The following URM1 variants were observed in gnomAD, a reference collection of about 807,000 sequenced individuals.
URM1 encodes ubiquitin related modifier 1.
Under a neutral mutation model 17.7 loss-of-function variants are expected in URM1, and 11 were observed. The observed-to-expected ratio is 0.62, with a 90% CI of 0.39 to 1.03. URM1 has a LOEUF of 1.03. URM1 is among the 50% of genes least tolerant of loss of function. URM1 has a pLI of 0.00. For synonymous variants in URM1, 48 were observed against 50.6 expected, an observed-to-expected ratio of 0.95 and a Z score of 0.22; for missense variants, 128 against 129.2, an observed-to-expected ratio of 0.99 and a Z score of 0.04.
At chr9:128,385,826 G>A (rs113630620) in intron 2 of URM1, among the ~76,000 whole-genome samples, 13,890 of 151,830 alleles carry the variant, frequency 0.091, 722 homozygotes, top group Middle Eastern at 0.17. Context: ...GTGGCGATGC[G>A]GTAGCCTCAC....
At position 128,376,165 on chromosome 9, in the gene URM1, GCCT is replaced by G. The variant is rs1420298393; in HGVS notation, c.36-1870_36-1868del. Among the ~76,000 whole-genome samples the G allele has an allele frequency of 2.0e-5, 3 of 151,910 alleles. 1 individual carries two copies. In the East Asian group the frequency reaches 5.8e-4, roughly 29 times the overall value. On this transcript the variant is annotated intron_variant, in intron 1 of 4. Transcript: ENST00000372853. ...GCTTGAGCCCAGGAGGTCAAGACCAGCCTGGACGACATAGGGAGACCCTGTCTC... is the reference window on the plus strand; with the variant it reads ...GCTTGAGCCCAGGAGGTCAAGACCAGGGACGACATAGGGAGACCCTGTCTC...
chr9:128,371,620 G>A (rs2286815), intron 1 of URM1, among the ~76,000 whole-genome samples: 12,507 of 152,224 alleles, frequency 0.082, 718 homozygotes, highest in East Asian at 0.18. Context: ...GCGCACATTG[G>A]GAGGGAAATG....
chr9:128,378,895 C>T (rs953047747), intron 2 of URM1, among the ~76,000 whole-genome samples: 2 of 147,226 alleles, frequency 1.4e-5, no homozygotes, highest in East Asian at 2.0e-4. Context: ...TTCAGTGAGC[C>T]GAGATCGTGC....
upstream of URM1, chr9:128,371,331 G>A (rs748790114): frequency 1.3e-6 from 2 of 1,598,300 alleles, no homozygotes; most frequent in Non-Finnish European, 8.5e-7. Flanking sequence ...GGAAATTTGC[G>A]GGCGCGCCGG....
Position 128,389,311 on chromosome 9 carries a change from T to G in URM1, c.237+2T>G. 6.2e-7 allele frequency: 1 copy of G among 1,613,678 alleles called. No individual in the cohort carries two copies. The highest frequency in any genetic ancestry group is 8.5e-7 in the Non-Finnish European group (1 of 1,179,894). ...AACGATGCCGACTGGGAGCTACTGG[T>G]CAGTACCTTGGGGGACATCCCTCCC... On this transcript the variant is annotated splice_donor_variant, in intron 4 of 4. Transcript: ENST00000372853. LOFTEE classifies it high-confidence loss of function.
intron 2 of URM1, among the ~76,000 whole-genome samples, chr9:128,386,887 C>T (rs1167722543): frequency 6.6e-6 from 1 of 152,208 alleles, no homozygotes; most frequent in Non-Finnish European, 1.5e-5. Context: ...CTCCCTGGGA[C>T]CTTTATCCTC....
rs199715682 is a variant in URM1, at chr9:128,389,436, C to G, written c.237+127C>G. The G allele has an allele frequency of 2.9e-4, 459 of 1,585,218 alleles. No individual in the cohort carries two copies. The highest frequency in any genetic ancestry group is 4.8e-4 in the Admixed American group (26 of 54,482). ...TCCTCCGCCCCACTCCAGCCCCACA[C>G]TGAGGCTGCTGGAGTCTCCCACTCC... On this transcript the variant is annotated intron_variant, in intron 4 of 4. Transcript: ENST00000372853.
In URM1 at chr9:128,391,156, C is replaced by G. The variant is rs1252112137; in HGVS notation, c.*1422C>G. ...TAGGGTGCTAACATCCCACCAAAAGCATCATCCCACCCAAAATGTTGCTTT... is the reference window on the plus strand; with the variant it reads ...TAGGGTGCTAACATCCCACCAAAAGGATCATCCCACCCAAAATGTTGCTTT... On this transcript the variant is annotated 3_prime_UTR_variant, in exon 5 of 5. Transcript: ENST00000372853. The G allele has an allele frequency of 6.6e-6, 1 of 152,244 alleles. No individual in the cohort carries two copies. Among genetic ancestry groups the G allele is most frequent in the Non-Finnish European group, 1.5e-5 (1 of 68,050 alleles). 9.4% of individuals were successfully genotyped at this position (152,244 alleles called of 1,614,324 possible). A position where few individuals can be genotyped will look rare whatever the true frequency, so the allele number is the denominator to read the frequency against.
Position 128,387,171 on chromosome 9 carries a change from G to A in URM1, c.107-645G>A, listed in dbSNP as rs964706228. On this transcript the variant is annotated intron_variant, in intron 2 of 4. Coordinates refer to ENST00000372853, the MANE Select transcript of URM1 (RefSeq NM_030914.4). This position sits in a 1 kb window ranked among gnomAD's most constrained non-coding sequence, Gnocchi z 4.3. ...CTGAGCTGGAGAGGCCCTGTCACCC[G>A]AACCTCTGGCCACCGCTGGCGCGGA... 3.3e-5 allele frequency among the ~76,000 whole-genome samples: 5 copies of A among 152,238 alleles called. No homozygotes were observed. The highest frequency in any genetic ancestry group is 3.8e-4 in the East Asian group (2 of 5,200).
In URM1 at chr9:128,387,375, C is replaced by T. The variant is rs769768180; in HGVS notation, c.107-441C>T. On this transcript the variant is annotated intron_variant, in intron 2 of 4. Coordinates refer to ENST00000372853, the MANE Select transcript of URM1 (RefSeq NM_030914.4). This position sits in a 1 kb window ranked among gnomAD's most constrained non-coding sequence, Gnocchi z 4.3. The stretch of plus-strand genomic sequence containing the variant: ...ATGCAGACCCCTCCAAGAGCAAAGC[C>T]GAATCCTCCCCATCTGCGACTGGCT... 2.6e-5 allele frequency among the ~76,000 whole-genome samples: 4 copies of T among 152,216 alleles called. No individual in the cohort carries two copies. The highest frequency in any genetic ancestry group is 4.4e-5 in the Non-Finnish European group (3 of 68,038).
At chr9:128,374,378 C>T (rs1353295156) in intron 1 of URM1, among the ~76,000 whole-genome samples, 2 of 152,186 alleles carry the variant, frequency 1.3e-5, no homozygotes, top group Non-Finnish European at 2.9e-5. Context: ...AGTCCCAGTG[C>T]CTTCAGTTCC....
chr9:128,378,521 C>T lies in URM1; in HGVS notation c.106+415C>T, dbSNP rs141569319. On this transcript the variant is annotated intron_variant, in intron 2 of 4. Coordinates refer to ENST00000372853, the MANE Select transcript of URM1 (RefSeq NM_030914.4). ...TCATGCCACTGTACTCTAGCCTGGG[C>T]GACAAAGCAAGACTCCATCTCAAAA... Among the ~76,000 whole-genome samples, 559 of 107,586 alleles carry T rather than the reference C, an allele frequency of 5.2e-3. 4 individuals carry two copies. The highest frequency in any genetic ancestry group is 0.02 in the African/African-American group (532 of 27,000). 70.6% of individuals were successfully genotyped at this position (107,586 alleles called of 152,430 possible). A position where few individuals can be genotyped will look rare whatever the true frequency, so the allele number is the denominator to read the frequency against.
Position 128,391,387 on chromosome 9 carries a change from G to A in URM1, c.*1653G>A, listed in dbSNP as rs1833312888. The A allele has an allele frequency of 6.6e-6, 1 of 152,336 alleles. No homozygotes were observed. 9.4% of individuals were successfully genotyped at this position (152,336 alleles called of 1,614,324 possible). A position where few individuals can be genotyped will look rare whatever the true frequency, so the allele number is the denominator to read the frequency against. On this transcript the variant is annotated 3_prime_UTR_variant, in exon 5 of 5. Transcript: ENST00000372853. ...TGTGGAGTGGGAGCAGCCGTGTTGG[G>A]ACTATGGGGAGGAGCTGGTCTGGGT...
At chr9:128,375,444 C>G (rs780743399) in intron 1 of URM1, among the ~76,000 whole-genome samples, 3 of 152,140 alleles carry the variant, frequency 2.0e-5, no homozygotes, top group Non-Finnish European at 4.4e-5. Context: ...GGCATGGTGG[C>G]CCACACCTAT....
At chr9:128,371,606 A>G (rs989031026) in intron 1 of URM1, among the ~76,000 whole-genome samples, 191 bp downstream of exon 1, 1 of 152,214 alleles carries the variant, frequency 6.6e-6, no homozygotes, top group African/African-American at 2.4e-5. Context: ...GTCCGGAAAT[A>G]GAGGCGCACA....
At chr9:128,388,758 C>T (rs1022010159) in intron 3 of URM1, 1 of 987,164 alleles carries the variant, frequency 1.0e-6, no homozygotes, top group South Asian at 4.7e-5. Flanking sequence ...GCAACTGATT[C>T]GGAAGAGGCA....
intron 1 of URM1, 161 bp from the exon 2 acceptor site, chr9:128,377,865 AAGAAAGGGGG>A: frequency 1.5e-6 from 1 of 660,160 alleles, no homozygotes; most frequent in Non-Finnish European, 2.7e-6. Flanking sequence ...GTCTCTAAGA[AAGAAAGGGGG>A]AGAAAAAGAA....
At chr9:128,385,157 G>T (rs766457684) in intron 2 of URM1, among the ~76,000 whole-genome samples, 65 of 152,074 alleles carry the variant, frequency 4.3e-4, no homozygotes, top group Admixed American at 1.0e-3. Context: ...TACCTTCTCT[G>T]TTCTGCTGCC....
chr9:128,384,233 T>C (rs1056978078), intron 2 of URM1, among the ~76,000 whole-genome samples: 1 of 152,178 alleles, frequency 6.6e-6, no homozygotes, highest in Non-Finnish European at 1.5e-5. Flanking sequence ...TCTCATTGCC[T>C]GCTCTGCCCC....
Sources: gnomAD v4.1 joint callset for allele counts (sites outside exome capture counted in the v4.1 genomes callset) on GRCh38, gnomAD v4.1.1 for gene constraint, Gnocchi (gnomAD v3.1) non-coding constraint, MANE v1.5 for transcripts, NCBI Gene and HGNC (gene_info 2026-07-23, HGNC 2026-07-21) for gene names.